XPR1: variants seen among roughly 807,000 people sequenced by gnomAD.
XPR1 encodes the protein solute carrier family 53 member 1.
Under a neutral mutation model 87.5 loss-of-function variants are expected in XPR1, and 28 were observed. That is an observed-to-expected ratio of 0.32 (90% CI 0.24 to 0.44). XPR1 has a LOEUF of 0.44. Ranked by LOEUF, XPR1 falls within the 20% of genes least tolerant of loss-of-function variation. XPR1 has a pLI of 1.00. For synonymous variants in XPR1, 300 were observed against 306.1 expected (o/e 0.98, Z 0.21); for missense variants, 559 against 862.3 (o/e 0.65, Z 4.41).
chr1:180,780,767 C>CAAAAAAAAA (rs756960289), intron 2 of XPR1, among the ~76,000 whole-genome samples: 1 of 106,074 alleles, frequency 9.4e-6, no homozygotes, highest in African/African-American at 3.7e-5. Context: ...GACTCTGTCT[C>CAAAAAAAAA]AAAAAAAAAA....
At chr1:180,879,636 TTAA>T (rs1342318208) in intron 13 of XPR1, among the ~76,000 whole-genome samples, 2 of 152,240 alleles carry the variant, frequency 1.3e-5, no homozygotes, top group African/African-American at 2.4e-5. Context: ...CTAACCAGTC[TTAA>T]TGATGGCATA....
At chr1:180,697,943 AT>A (rs1296142597) in intron 2 of XPR1, among the ~76,000 whole-genome samples, 5 of 152,144 alleles carry the variant, frequency 3.3e-5, no homozygotes, top group Non-Finnish European at 7.4e-5. Context: ...GAAATGTTCT[AT>A]AAGTGTCTGT....
intron 6 of XPR1, among the ~76,000 whole-genome samples, chr1:180,809,105 T>C (rs1319267867): frequency 6.6e-6 from 1 of 152,168 alleles, no homozygotes; most frequent in Non-Finnish European, 1.5e-5. Context: ...TTGATAAATG[T>C]AACAATGTGG....
chr1:180,656,112 G>A (rs1403052410), intron 1 of XPR1, among the ~76,000 whole-genome samples: 1 of 149,974 alleles, frequency 6.7e-6, no homozygotes, highest in Non-Finnish European at 1.5e-5. Context: ...ACCCTTCTGA[G>A]CCCCTGGTAA....
At chr1:180,681,847 A>T (rs887108032) in intron 1 of XPR1, among the ~76,000 whole-genome samples, 2 of 152,130 alleles carry the variant, frequency 1.3e-5, no homozygotes, top group African/African-American at 4.8e-5. Context: ...TCATTAAAAA[A>T]AGTATTGAAG....
intron 2 of XPR1, among the ~76,000 whole-genome samples, chr1:180,702,936 T>TA (rs1395134128): frequency 6.6e-6 from 1 of 152,190 alleles, no homozygotes; most frequent in East Asian, 1.9e-4. Flanking sequence ...TTGACTTTCT[T>TA]AGAGAAAGAC....
intron 13 of XPR1, 76 bp downstream of exon 13, chr1:180,874,018 T>A: frequency 1.4e-6 from 2 of 1,415,490 alleles, no homozygotes; most frequent in Non-Finnish European, 1.9e-6. Context: ...AATTAGAATT[T>A]ATTATAACTT....
At chr1:180,652,969 C>G (rs944897691) in intron 1 of XPR1, among the ~76,000 whole-genome samples, 1 of 152,206 alleles carries the variant, frequency 6.6e-6, no homozygotes, top group Non-Finnish European at 1.5e-5. Flanking sequence ...TCTGGAGGAT[C>G]CAATTCTAGG....
chr1:180,772,608 G>A (rs1648558117), intron 2 of XPR1, among the ~76,000 whole-genome samples: 1 of 152,152 alleles, frequency 6.6e-6, no homozygotes, highest in Non-Finnish European at 1.5e-5. Context: ...GACCAAGTGG[G>A]AGATGATTGA....
chr1:180,680,565 A>T (rs1270874851), intron 1 of XPR1, among the ~76,000 whole-genome samples: 1 of 151,936 alleles, frequency 6.6e-6, no homozygotes, highest in African/African-American at 2.4e-5. Flanking sequence ...GGGTTTCACC[A>T]TGTTGGCCAG....
intron 2 of XPR1, among the ~76,000 whole-genome samples, chr1:180,734,730 G>A (rs543074731): frequency 1.1e-3 from 160 of 152,238 alleles, no homozygotes; most frequent in South Asian, 3.3e-3. Flanking sequence ...AACCTTCATC[G>A]TATAGGTGAA....
intron 2 of XPR1, among the ~76,000 whole-genome samples, chr1:180,760,712 C>G (rs1018880085): frequency 6.6e-6 from 1 of 152,052 alleles, no homozygotes; most frequent in Non-Finnish European, 1.5e-5. Context: ...TAGATTCAAT[C>G]CCATCACCAT....
At chr1:180,788,832 A>G (rs1440545898) in intron 3 of XPR1, among the ~76,000 whole-genome samples, 1 of 152,200 alleles carries the variant, frequency 6.6e-6, no homozygotes, top group Admixed American at 6.5e-5. Flanking sequence ...ATCATAAACC[A>G]GGTATTAGTG....
intron 2 of XPR1, among the ~76,000 whole-genome samples, chr1:180,783,824 G>A (rs746056471): frequency 2.0e-5 from 3 of 151,906 alleles, no homozygotes; most frequent in African/African-American, 7.3e-5. Context: ...GGAGGCCGAG[G>A]CAGGTGGATC....
At position 180,692,926 on chromosome 1, in the gene XPR1, T is replaced by G. The variant is rs189250756; in HGVS notation, c.121+10515T>G. Among the ~76,000 whole-genome samples the G allele has an allele frequency of 3.8e-3, 584 of 152,310 alleles. 1 individual carries two copies. Among genetic ancestry groups the G allele is most frequent in the Admixed American group, 5.7e-3 (87 of 15,290 alleles). On this transcript the variant is annotated intron_variant, in intron 2 of 14. Coordinates refer to ENST00000367590, the MANE Select transcript of XPR1 (RefSeq NM_004736.4). Reference sequence around the variant, plus strand: ...TCTTTGTGACACTGTTTAATGCATCTTTAGTGTTTAAAATATTTCATCACC... The same window carrying G: ...TCTTTGTGACACTGTTTAATGCATCGTTAGTGTTTAAAATATTTCATCACC...
rs184264129 is a variant in XPR1 at position 180,857,821 on chromosome 1, G to A, written c.1502-5887G>A. 5.1e-3 allele frequency among the ~76,000 whole-genome samples: 769 copies of A among 152,166 alleles called. 7 individuals carry two copies. The highest frequency in any genetic ancestry group is 0.018 in the African/African-American group (734 of 41,524). On this transcript the variant is annotated intron_variant, in intron 11 of 14. Transcript: ENST00000367590. The stretch of plus-strand genomic sequence containing the variant: ...GATGTTTTTTTGGAGTTAGTCTTTA[G>A]TATTCTAGTTATACAATAAATAATG...
chr1:180,669,490 C>A (rs913393651), intron 1 of XPR1, among the ~76,000 whole-genome samples: 2 of 152,144 alleles, frequency 1.3e-5, no homozygotes, highest in African/African-American at 4.8e-5. Flanking sequence ...TCAAGCAATT[C>A]TCCTACCTCA....
chr1:180,773,510 C>G (rs1399759293), intron 2 of XPR1, among the ~76,000 whole-genome samples: 1 of 152,130 alleles, frequency 6.6e-6, no homozygotes, highest in Non-Finnish European at 1.5e-5. Context: ...CAATGGAAAA[C>G]CATTTTTAGC....
intron 13 of XPR1, among the ~76,000 whole-genome samples, chr1:180,875,291 C>G (rs1466245272): frequency 6.6e-6 from 1 of 152,094 alleles, no homozygotes; most frequent in Non-Finnish European, 1.5e-5. Flanking sequence ...GGGCAGATCA[C>G]TTGAACTCAG....
Sources: gnomAD v4.1 joint callset for allele counts (sites outside exome capture counted in the v4.1 genomes callset) on GRCh38, gnomAD v4.1.1 for gene constraint, MANE v1.5 for transcripts, NCBI Gene and HGNC (gene_info 2026-07-23, HGNC 2026-07-21) for gene names.